MYPN: variants seen among roughly 807,000 people sequenced by gnomAD.
The protein encoded by MYPN is myopalladin.
A neutral mutation model predicts 129.4 loss-of-function variants in MYPN; 63 were observed. The observed-to-expected ratio is 0.49, with a 90% CI of 0.40 to 0.60. MYPN has a LOEUF of 0.60. Ranked by LOEUF, MYPN falls within the 20% of genes least tolerant of loss-of-function variation. The pLI is 0.00. For missense variants in MYPN, 1,596 were observed against 1,635.4 expected (o/e 0.98, Z 0.42); for synonymous variants, 629 against 600.9 (o/e 1.05, Z -0.68).
At chr10:68,148,532 CA>C in intron 5 of MYPN, 65 bp downstream of exon 5, 1 of 1,253,620 alleles carries the variant, frequency 8.0e-7, no homozygotes, top group Non-Finnish European at 1.2e-6. Flanking sequence ...TGACCATGAC[CA>C]TCTTGCATGG....
chr10:68,183,208 C>T lies in MYPN; in HGVS notation c.2704-5697C>T, dbSNP rs569830825. Among the ~76,000 whole-genome samples, 267 of 152,276 alleles carry T rather than the reference C, an allele frequency of 1.8e-3. 1 individual carries two copies. Among genetic ancestry groups the T allele is most frequent in the African/African-American group, 6.2e-3 (259 of 41,550 alleles). Reference sequence around the variant, plus strand: ...AGGCACGGTGACTCACGCCTGTAATCCCAGAACTTTGGGAGGCTGAGGCGG... The same window carrying T: ...AGGCACGGTGACTCACGCCTGTAATTCCAGAACTTTGGGAGGCTGAGGCGG... On this transcript the variant is annotated intron_variant, in intron 12 of 19. Coordinates refer to ENST00000358913, the MANE Select transcript of MYPN (RefSeq NM_032578.4).
chr10:68,089,734 C>T (rs1329930520), intron 1 of MYPN, among the ~76,000 whole-genome samples: 1 of 152,006 alleles, frequency 6.6e-6, no homozygotes, highest in Non-Finnish European at 1.5e-5. Flanking sequence ...TGTTGATTCA[C>T]CCAAAAAAGG....
At chr10:68,095,971 A>G (rs1444725038) in intron 1 of MYPN, among the ~76,000 whole-genome samples, 1 of 152,224 alleles carries the variant, frequency 6.6e-6, no homozygotes, top group Non-Finnish European at 1.5e-5. Context: ...TGTTATCTGG[A>G]GATCAGATTT....
intron 11 of MYPN, 127 bp from the exon 12 acceptor site, chr10:68,175,196 G>A: frequency 2.0e-6 from 2 of 1,015,934 alleles, no homozygotes; most frequent in Non-Finnish European, 3.0e-6. Flanking sequence ...CTCTGCACAG[G>A]GCTTAATTCC....
chr10:68,174,226 G>A lies in MYPN; in HGVS notation c.2134G>A (p.Ala712Thr). The A allele has an allele frequency of 6.2e-7, 1 of 1,613,968 alleles. No homozygotes were observed. The highest frequency in any genetic ancestry group is 8.5e-7 in the Non-Finnish European group (1 of 1,179,954). The change falls in exon 11 of 20, where the codon GCT becomes ACT. Residue 712 changes from alanine (A) to threonine (T), a missense_variant. By Grantham distance (58) the Ala-to-Thr change is moderately conservative. Transcript: ENST00000358913. The part of the protein sequence containing the change: ...AVTTSSKQVK[A>T]PSSQTFSLAR... Reference sequence around the variant, plus strand: ...GACAACATCCAGTAAGCAGGTGAAGGCTCCTTCATCACAGACGTTCAGCTT... The same window carrying A: ...GACAACATCCAGTAAGCAGGTGAAGACTCCTTCATCACAGACGTTCAGCTT...
chr10:68,133,157 C>T lies in MYPN; in HGVS notation c.903-9783C>T, dbSNP rs557574873. 5.9e-5 allele frequency among the ~76,000 whole-genome samples: 9 copies of T among 151,588 alleles called. No individual in the cohort carries two copies. The East Asian group carries it at 1.8e-3, about 30-fold the overall frequency. On this transcript the variant is annotated intron_variant, in intron 2 of 19. Coordinates refer to ENST00000358913, the MANE Select transcript of MYPN (RefSeq NM_032578.4). Reference sequence around the variant, plus strand: ...TCTCCTGCCTCAGCCTCCGTAGTAGCTGGGATTACAGGTGCCTGCCATCAT... The same window carrying T: ...TCTCCTGCCTCAGCCTCCGTAGTAGTTGGGATTACAGGTGCCTGCCATCAT...
Position 68,202,990 on chromosome 10 carries a change from C to A in MYPN, c.3659+996C>A, listed in dbSNP as rs937372323. 2.6e-5 allele frequency among the ~76,000 whole-genome samples: 4 copies of A among 152,260 alleles called. No homozygotes were observed. In the South Asian group the frequency reaches 8.3e-4, roughly 32 times the overall value. On this transcript the variant is annotated intron_variant, in intron 18 of 19. Coordinates refer to ENST00000358913, the MANE Select transcript of MYPN (RefSeq NM_032578.4). Reference sequence around the variant, plus strand: ...GTTAAACTAGATTAAACTATATACTCTAAATAAACTGAGGGTCTACAATTT... The same window carrying A: ...GTTAAACTAGATTAAACTATATACTATAAATAAACTGAGGGTCTACAATTT...
At chr10:68,197,502 G>A (rs2043629653) in intron 16 of MYPN, 24 bp downstream of exon 16, 1 of 1,611,692 alleles carries the variant, frequency 6.2e-7, no homozygotes, top group African/African-American at 1.3e-5. Context: ...CCCATGCTTA[G>A]TTCCAGATCT....
At chr10:68,168,180 A>G (rs1251098637) in intron 10 of MYPN, among the ~76,000 whole-genome samples, 2 of 152,316 alleles carry the variant, frequency 1.3e-5, no homozygotes, top group African/African-American at 2.4e-5. Context: ...AATCAGTCTC[A>G]GCCCCTCAAC....
intron 7 of MYPN, among the ~76,000 whole-genome samples, chr10:68,158,991 C>T (rs1163906614): frequency 6.6e-6 from 1 of 152,084 alleles, no homozygotes; most frequent in Non-Finnish European, 1.5e-5. Context: ...ACCTCCACCT[C>T]CTCGGTTCAA....
intron 10 of MYPN, among the ~76,000 whole-genome samples, chr10:68,171,157 A>AAAAAAG (rs1353467379): frequency 1.4e-5 from 2 of 144,492 alleles, no homozygotes; most frequent in Non-Finnish European, 3.1e-5. Context: ...AAAAAAAAAA[A>AAAAAAG]AGAAAGAAAG....
chr10:68,100,288 A>G (rs1284965398), intron 1 of MYPN, among the ~76,000 whole-genome samples: 4 of 152,324 alleles, frequency 2.6e-5, no homozygotes, highest in African/African-American at 9.6e-5. Flanking sequence ...AGGGAGCTAA[A>G]TAATTCATTC....
At chr10:68,165,281 A>G (rs1433662870) in intron 8 of MYPN, among the ~76,000 whole-genome samples, 1 of 152,142 alleles carries the variant, frequency 6.6e-6, no homozygotes, top group African/African-American at 2.4e-5. Flanking sequence ...GCAAAACCCT[A>G]TCTCTACTAA....
intron 12 of MYPN, among the ~76,000 whole-genome samples, chr10:68,185,878 A>C (rs2043412881): frequency 6.6e-6 from 1 of 152,244 alleles, no homozygotes; most frequent in African/African-American, 2.4e-5. Context: ...TCTAGAAAAT[A>C]CTTCAAACTT....
At chr10:68,169,619 T>C (rs2043114350) in intron 10 of MYPN, among the ~76,000 whole-genome samples, 1 of 152,208 alleles carries the variant, frequency 6.6e-6, no homozygotes, top group Non-Finnish European at 1.5e-5. Flanking sequence ...CTTTCTGCTC[T>C]GCCATCCCAA....
intron 2 of MYPN, among the ~76,000 whole-genome samples, chr10:68,128,538 A>G (rs1272489646): frequency 3.9e-5 from 6 of 152,082 alleles, no homozygotes; most frequent in Non-Finnish European, 8.8e-5. Flanking sequence ...GTGCCTATTT[A>G]TGTGCCCCAT....
intron 8 of MYPN, among the ~76,000 whole-genome samples, chr10:68,162,680 G>C (rs1387169423): frequency 6.6e-6 from 1 of 152,216 alleles, no homozygotes; most frequent in African/African-American, 2.4e-5. Context: ...TTCAGGCCGG[G>C]CATGGTGGTT....
rs151017803 is a variant in MYPN at position 68,166,637 on chromosome 10, G to A, written c.1944G>A (p.Glu648=). 792 of 1,613,886 alleles carry A rather than the reference G, an allele frequency of 4.9e-4. 1 individual carries two copies. The highest frequency in any genetic ancestry group is 6.3e-4 in the Non-Finnish European group (745 of 1,180,006). The change falls in exon 10 of 20, where the codon GAG becomes GAA. Residue 648 remains glutamate (E), a synonymous_variant. Coordinates refer to ENST00000358913, the MANE Select transcript of MYPN (RefSeq NM_032578.4). The part of the protein sequence containing the change: ...KTPEPSSPVK[E]PPPVLAKPKL... The stretch of plus-strand genomic sequence containing the variant: ...CAGAGCCTTCTTCCCCCGTGAAAGA[G>A]CCCCCTCCAGTTCTGGCCAAACCCA...
At chr10:68,091,393 C>CTT (rs11301512) in intron 1 of MYPN, among the ~76,000 whole-genome samples, 1,161 of 106,736 alleles carry the variant, frequency 0.011, 24 homozygotes, top group East Asian at 0.043. Context: ...GACTACAGCC[C>CTT]TTTTTTTTTT....
Sources: gnomAD v4.1 joint callset for allele counts (sites outside exome capture counted in the v4.1 genomes callset) on GRCh38, gnomAD v4.1.1 for gene constraint, MANE v1.5 for transcripts, NCBI Gene and HGNC (gene_info 2026-07-23, HGNC 2026-07-21) for gene names.